The following CENPC variants were observed in gnomAD, a reference collection of about 807,000 sequenced individuals.
The protein encoded by CENPC is CENP-C 1.
In CENPC, 63 loss-of-function variants were observed where a neutral mutation model predicts 112.1. That is an observed-to-expected ratio of 0.56 (90% CI 0.46 to 0.69). The LOEUF (loss-of-function observed/expected upper bound fraction) is 0.69. CENPC is among the 30% of genes least tolerant of loss of function. CENPC has a pLI of 0.00. For missense variants in CENPC, 1,000 were observed against 1,103.8 expected, an observed-to-expected ratio of 0.91 and a Z score of 1.33; for synonymous variants, 333 against 367.6, an observed-to-expected ratio of 0.91 and a Z score of 1.08.
intron 16 of CENPC, among the ~76,000 whole-genome samples, chr4:67,490,866 ATATATAT>A (rs1560422789): frequency 0.41 from 29,915 of 73,188 alleles, 3,604 homozygotes; most frequent in South Asian, 0.5. Flanking sequence ...ATATATATAT[ATATATAT>A]ATATAGAAAT....
chr4:67,475,841 G>A (rs183910455), intron 17 of CENPC, among the ~76,000 whole-genome samples: 26 of 152,112 alleles, frequency 1.7e-4, no homozygotes, highest in African/African-American at 6.0e-4. Flanking sequence ...TGCCCGCCTC[G>A]GCCTCCCAAA....
At chr4:67,531,746 AG>A (rs1304551272) in intron 4 of CENPC, among the ~76,000 whole-genome samples, 8 of 152,226 alleles carry the variant, frequency 5.3e-5, no homozygotes, top group African/African-American at 1.4e-4. Flanking sequence ...TGAGGAACAC[AG>A]GAAGCCTATA....
At chr4:67,541,941 TACA>T (rs79708216) in intron 2 of CENPC, among the ~76,000 whole-genome samples, 41,684 of 151,972 alleles carry the variant, frequency 0.27, 6,185 homozygotes, top group Non-Finnish European at 0.33. Flanking sequence ...AATAGAATCA[TACA>T]ACATGTATCC....
intron 10 of CENPC, among the ~76,000 whole-genome samples, chr4:67,508,307 G>A (rs911354657): frequency 1.3e-5 from 2 of 151,904 alleles, no homozygotes; most frequent in South Asian, 2.1e-4. Context: ...CACACCAGGC[G>A]TTCAAGACAA....
chr4:67,513,021 T>A (rs1367069173), intron 8 of CENPC, among the ~76,000 whole-genome samples: 1 of 152,174 alleles, frequency 6.6e-6, no homozygotes, highest in African/African-American at 2.4e-5. Flanking sequence ...TCTAATTATG[T>A]TTCTTTTAAA....
At chr4:67,531,842 TCA>T (rs776174104) in intron 4 of CENPC, among the ~76,000 whole-genome samples, 56 of 152,006 alleles carry the variant, frequency 3.7e-4, no homozygotes, top group Non-Finnish European at 6.8e-4. Context: ...ATAATAAGTA[TCA>T]GTCATGAAAA....
rs774572311 is a variant in CENPC at position 67,505,290 on chromosome 4, G to A, written c.2052-6C>T. The A allele has an allele frequency of 1.3e-6, 2 of 1,493,438 alleles. No homozygotes were observed. Among genetic ancestry groups the A allele is most frequent in the South Asian group, 2.6e-5 (2 of 77,272 alleles). 92.5% of individuals were successfully genotyped at this position (1,493,438 alleles called of 1,614,324 possible). A position where few individuals can be genotyped will look rare whatever the true frequency, so the allele number is the denominator to read the frequency against. On this transcript the variant is annotated splice_polypyrimidine_tract_variant and splice_region_variant and intron_variant, in intron 11 of 18. Coordinates refer to ENST00000273853, the MANE Select transcript of CENPC (RefSeq NM_001812.4). ...TATTGAGCCTGGAAGGTCCACTTAAGAAAAAAAGGAAACCACAAAATTAAT... is the reference window on the plus strand; with the variant it reads ...TATTGAGCCTGGAAGGTCCACTTAAAAAAAAAAGGAAACCACAAAATTAAT...
rs141379239 is a variant in CENPC at position 67,512,569 on chromosome 4, C to T, written c.1445G>A (p.Gly482Glu). 1 of 1,499,460 alleles carries T rather than the reference C, an allele frequency of 6.7e-7. No individual in the cohort carries two copies. Among genetic ancestry groups the T allele is most frequent in the Non-Finnish European group, 8.9e-7 (1 of 1,128,780 alleles). The allele number at this position is 1,499,460 out of a possible 1,614,324, so 92.9% of individuals were successfully genotyped here. Residue 482 changes from glycine to glutamate, a missense_variant and splice_region_variant, in exon 9 of 19, where the codon GGA (glycine) becomes GAA (glutamate). Gly to Glu is a moderately conservative substitution (Grantham distance 98). Transcript: ENST00000273853. Reference sequence around the variant, plus strand: ...TTTTCTAGTGCTACTTTTCTTGCTTCCTAAAATAAAGAAAACCATAAAACC... The same window carrying T: ...TTTTCTAGTGCTACTTTTCTTGCTTTCTAAAATAAAGAAAACCATAAAACC... ...CVSKKQMPPV[G>E]SKKSSTRKDK...
intron 9 of CENPC, chr4:67,511,056 G>GT (rs1725880284): frequency 2.2e-6 from 1 of 455,976 alleles, no homozygotes; most frequent in South Asian, 1.5e-5. Context: ...CCCCAAAGCA[G>GT]TAACAGTATT....
chr4:67,501,705 T>C (rs1055463507), intron 12 of CENPC, among the ~76,000 whole-genome samples: 4 of 152,184 alleles, frequency 2.6e-5, no homozygotes, highest in Admixed American at 2.6e-4. Context: ...GGTTCGAGGG[T>C]AGTTATATCC....
intron 11 of CENPC, among the ~76,000 whole-genome samples, chr4:67,506,457 G>A (rs926441279): frequency 1.3e-5 from 2 of 152,170 alleles, no homozygotes; most frequent in African/African-American, 4.8e-5. Context: ...AGCTGAGAGG[G>A]CCACATGGTT....
intron 12 of CENPC, 53 bp from the exon 13 acceptor site, chr4:67,495,265 A>G (rs1166573333): frequency 7.0e-6 from 10 of 1,429,268 alleles, no homozygotes; most frequent in Non-Finnish European, 9.4e-6. Context: ...TTCCATGTTA[A>G]ATTAAAATGT....
At chr4:67,536,060 G>A (rs355491) in intron 4 of CENPC, among the ~76,000 whole-genome samples, 25,584 of 151,994 alleles carry the variant, frequency 0.17, 2,974 homozygotes, top group East Asian at 0.57. Context: ...ATAGGGAAGA[G>A]AATAAAATAG....
intron 7 of CENPC, among the ~76,000 whole-genome samples, chr4:67,516,085 T>C (rs1421887048): frequency 6.6e-6 from 1 of 151,996 alleles, no homozygotes. Context: ...CATTAATTCT[T>C]AAATTTTCAT....
chr4:67,492,424 C>A, intron 15 of CENPC, 149 bp from the exon 16 acceptor site: 1 of 554,676 alleles, frequency 1.8e-6, no homozygotes, highest in Non-Finnish European at 3.1e-6. Flanking sequence ...CTCTGATAAA[C>A]AAAAATTCAA....
chr4:67,519,334 GT>G lies in CENPC; in HGVS notation c.499del (p.Thr167HisfsTer24). On this transcript the variant is annotated frameshift_variant, in exon 6 of 19. Transcript: ENST00000273853. LOFTEE classifies it high-confidence loss of function. ...GSPSVLLDAK[T>X]SVSQNVIPSS... ...TGGAATAACATTTTGTGATACAGATGTTTTTGCATCCAAAAGAACAGAAGGT... is the reference window on the plus strand; with the variant it reads ...TGGAATAACATTTTGTGATACAGATGTTTTGCATCCAAAAGAACAGAAGGT... 1.2e-6 allele frequency: 2 copies of G among 1,612,838 alleles called. No individual in the cohort carries two copies. Among genetic ancestry groups the G allele is most frequent in the South Asian group, 2.2e-5 (2 of 91,032 alleles).
Position 67,492,359 on chromosome 4 carries a change from T to C in CENPC, c.2420-84A>G, listed in dbSNP as rs553006318. ...AAAAGTTCAGTACAAAATATAGCTATAGAGAAGTTATAAAACTGTCAAACG... is the reference window on the plus strand; with the variant it reads ...AAAAGTTCAGTACAAAATATAGCTACAGAGAAGTTATAAAACTGTCAAACG... On this transcript the variant is annotated intron_variant, in intron 15 of 18. Transcript: ENST00000273853. 1.6e-3 allele frequency: 1,163 copies of C among 745,004 alleles called. 2 individuals are homozygous for C. Among genetic ancestry groups the C allele is most frequent in the Non-Finnish European group, 2.3e-3 (1,055 of 467,712 alleles). The allele number at this position is 745,004 out of a possible 1,614,324, so 46.1% of individuals were successfully genotyped here.
chr4:67,481,944 TGGCAGAGTAAACAGGCAAC>T (rs900825686), intron 17 of CENPC, among the ~76,000 whole-genome samples: 6 of 152,030 alleles, frequency 3.9e-5, no homozygotes, highest in Admixed American at 6.6e-5. Flanking sequence ...AAGAAATAAT[TGGCAGAGTAAACAGGCAAC>T]GGCAGAGTAA....
chr4:67,508,950 T>G lies in CENPC; in HGVS notation c.1768A>C (p.Arg590=), dbSNP rs1321595972. 6.2e-7 allele frequency: 1 copy of G among 1,613,702 alleles called. No individual in the cohort carries two copies. The highest frequency in any genetic ancestry group is 2.2e-5 in the East Asian group (1 of 44,868). Residue 590 remains arginine, a synonymous_variant, in exon 10 of 19, where the codon AGA becomes CGA. Transcript: ENST00000273853. ...RQKTATKGNQ[R]VQKFLNAEGS... ...TCAGCATTTAAAAACTTCTGTACTCTTTGGTTGCCTTTAGTTGCTGTCTTC... is the reference window on the plus strand; with the variant it reads ...TCAGCATTTAAAAACTTCTGTACTCGTTGGTTGCCTTTAGTTGCTGTCTTC...
Sources: allele counts gnomAD v4.1 joint callset (sites outside exome capture counted in the v4.1 genomes callset), GRCh38; gene constraint gnomAD v4.1.1; transcripts MANE v1.5; gene names NCBI Gene and HGNC (gene_info 2026-07-23, HGNC 2026-07-21).